Variants in CCDC90B observed in about 807,000 individuals in gnomAD.
CCDC90B encodes the protein coiled-coil domain containing 90B.
Under a neutral mutation model 37.0 loss-of-function variants are expected in CCDC90B, and 24 were observed. That is an observed-to-expected ratio of 0.65 (90% CI 0.47 to 0.91). The LOEUF (loss-of-function observed/expected upper bound fraction) is 0.91. CCDC90B is among the 40% of genes least tolerant of loss of function. CCDC90B has a pLI of 0.00. For synonymous variants in CCDC90B, 113 were observed against 101.1 expected, an observed-to-expected ratio of 1.12 and a Z score of -0.71; for missense variants, 319 against 299.0, an observed-to-expected ratio of 1.07 and a Z score of -0.49.
At chr11:83,273,453 T>A in intron 7 of CCDC90B, 194 bp downstream of exon 7, 1 of 406,698 alleles carries the variant, frequency 2.5e-6, no homozygotes, top group Non-Finnish European at 4.4e-6. Flanking sequence ...TACTTCAAGG[T>A]CATGGCTCAT....
intron 7 of CCDC90B, among the ~76,000 whole-genome samples, chr11:83,269,007 A>G (rs1374396165): frequency 6.6e-6 from 1 of 152,234 alleles, no homozygotes; most frequent in African/African-American, 2.4e-5. Context: ...CCTGCTACTG[A>G]ATGACTACTG....
In CCDC90B at chr11:83,265,993, G is replaced by C; in HGVS notation, c.595-14C>G. The C allele has an allele frequency of 7.3e-7, 1 of 1,375,090 alleles. No individual in the cohort carries two copies. Among genetic ancestry groups the C allele is most frequent in the Non-Finnish European group, 1.0e-6 (1 of 967,252 alleles). The allele number at this position is 1,375,090 out of a possible 1,614,324, so 85.2% of individuals were successfully genotyped here. ...GGTTTGAGTATCCTGTGGTAAACCAGAATAAGAGAACTTAATTTTGTCCCT... is the reference window on the plus strand; with the variant it reads ...GGTTTGAGTATCCTGTGGTAAACCACAATAAGAGAACTTAATTTTGTCCCT... On this transcript the variant is annotated splice_polypyrimidine_tract_variant and intron_variant, in intron 7 of 8. Transcript: ENST00000529689.
chr11:83,281,611 G>A (rs1865387622), intron 1 of CCDC90B, among the ~76,000 whole-genome samples: 1 of 151,882 alleles, frequency 6.6e-6, no homozygotes, highest in Non-Finnish European at 1.5e-5. Flanking sequence ...CATCTAGAAG[G>A]GTAAAGAACT....
At chr11:83,263,273 G>A (rs1220344553) in intron 8 of CCDC90B, among the ~76,000 whole-genome samples, 4 of 152,088 alleles carry the variant, frequency 2.6e-5, no homozygotes, top group African/African-American at 9.7e-5. Context: ...TTATTGTGAG[G>A]TGAAGTATAC....
At chr11:83,272,656 A>T (rs1331219944) in intron 7 of CCDC90B, among the ~76,000 whole-genome samples, 4 of 152,220 alleles carry the variant, frequency 2.6e-5, no homozygotes, top group Non-Finnish European at 4.4e-5. Context: ...GATTTTGCTG[A>T]TTTCCTTGCT....
chr11:83,278,857 T>G (rs756476568), intron 2 of CCDC90B, 28 bp from the exon 3 acceptor site: 1 of 1,372,728 alleles, frequency 7.3e-7, no homozygotes, highest in South Asian at 1.2e-5. Flanking sequence ...GTATTTTATT[T>G]TTTTTAAAGT....
At chr11:83,282,144 T>C (rs1865420142) in intron 1 of CCDC90B, among the ~76,000 whole-genome samples, 1 of 152,216 alleles carries the variant, frequency 6.6e-6, no homozygotes, top group African/African-American at 2.4e-5. Context: ...GTAAACACGA[T>C]GGGATGCAAA....
At chr11:83,280,046 G>T in intron 2 of CCDC90B, 95 bp downstream of exon 2, 1 of 1,227,064 alleles carries the variant, frequency 8.1e-7, no homozygotes, top group Non-Finnish European at 1.1e-6. Context: ...CATCTATTTA[G>T]TTACTTTTGA....
intron 1 of CCDC90B, among the ~76,000 whole-genome samples, chr11:83,281,413 C>G (rs1865374230): frequency 6.6e-6 from 1 of 151,990 alleles, no homozygotes; most frequent in South Asian, 2.1e-4. Context: ...AGGCAGGAAA[C>G]AGATATTGTT....
At chr11:83,273,476 A>G (rs647644) in intron 7 of CCDC90B, 171 bp downstream of exon 7, 119,298 of 450,484 alleles carry the variant, frequency 0.26, 16,334 homozygotes, top group Middle Eastern at 0.35. Flanking sequence ...GCGACCATCT[A>G]CCTGGTGCCA....
chr11:83,271,590 G>T (rs1181037775), intron 7 of CCDC90B, among the ~76,000 whole-genome samples: 1 of 152,224 alleles, frequency 6.6e-6, no homozygotes, highest in East Asian at 1.9e-4. Flanking sequence ...AGTTGGAATG[G>T]CAGTCATTAA....
intron 4 of CCDC90B, chr11:83,274,405 A>T: frequency 3.5e-6 from 1 of 288,500 alleles, no homozygotes; most frequent in Non-Finnish European, 6.3e-6. Context: ...ATTTTGTTTT[A>T]TGTGGTTTTA....
intron 3 of CCDC90B, among the ~76,000 whole-genome samples, chr11:83,275,519 C>CAAAAAAA: frequency 7.5e-6 from 1 of 133,446 alleles, no homozygotes; most frequent in Non-Finnish European, 1.6e-5. Flanking sequence ...GCAAATATTC[C>CAAAAAAA]AAAAAAAAAA....
intron 7 of CCDC90B, among the ~76,000 whole-genome samples, chr11:83,271,177 G>A (rs1404536555): frequency 6.6e-6 from 1 of 152,158 alleles, no homozygotes; most frequent in African/African-American, 2.4e-5. Flanking sequence ...AACCCTAGAA[G>A]AAAACTTAGG....
intron 1 of CCDC90B, 98 bp downstream of exon 1, chr11:83,285,775 G>T (rs1279536230): frequency 6.7e-7 from 1 of 1,491,240 alleles, no homozygotes; most frequent in Non-Finnish European, 8.9e-7. Flanking sequence ...AGGAGGGCGT[G>T]GCACCTTCTC....
At chr11:83,266,043 T>G (rs1053069921) in intron 7 of CCDC90B, 64 bp from the exon 8 acceptor site, 2 of 835,266 alleles carry the variant, frequency 2.4e-6, no homozygotes, top group Non-Finnish European at 4.0e-6. Flanking sequence ...CAAAAGCATT[T>G]ACATTATAAA....
intron 1 of CCDC90B, among the ~76,000 whole-genome samples, chr11:83,282,353 AT>A (rs1462761750): frequency 4.6e-5 from 7 of 152,228 alleles, no homozygotes; most frequent in Non-Finnish European, 1.0e-4. Flanking sequence ...AAAGTCAAAA[AT>A]TTTTAAGTTA....
chr11:83,263,256 T>A (rs529410366), intron 8 of CCDC90B, among the ~76,000 whole-genome samples: 4 of 152,350 alleles, frequency 2.6e-5, no homozygotes, highest in Non-Finnish European at 5.9e-5. Context: ...GATAACCAAA[T>A]GAACACTTAT....
chr11:83,280,365 C>A, intron 1 of CCDC90B, 105 bp from the exon 2 acceptor site: 3 of 1,031,566 alleles, frequency 2.9e-6, no homozygotes, highest in Non-Finnish European at 4.2e-6. Context: ...AGTTCCAGCT[C>A]TTCTAGTTTT....
Sources: gnomAD v4.1 joint callset for allele counts (sites outside exome capture counted in the v4.1 genomes callset) on GRCh38, gnomAD v4.1.1 for gene constraint, MANE v1.5 for transcripts, NCBI Gene and HGNC (gene_info 2026-07-23, HGNC 2026-07-21) for gene names.